DLG2: variants seen among roughly 807,000 people sequenced by gnomAD.
DLG2 encodes the protein discs large MAGUK scaffold protein 2, also known as disks large homolog 2.
Under a neutral mutation model 132.5 loss-of-function variants are expected in DLG2, and 45 were observed. The ratio of observed to expected loss-of-function variants is 0.34; its 90% confidence interval spans 0.27 to 0.44. The LOEUF is 0.44. Ranked by LOEUF, DLG2 falls within the 20% of genes least tolerant of loss-of-function variation. The probability of loss-of-function intolerance (pLI) is 1.00; values close to 1 mark genes in which losing one functional copy is unlikely to be tolerated. For missense variants in DLG2, 1,045 were observed against 1,196.9 expected (o/e 0.87, Z 1.87); for synonymous variants, 424 against 419.6 (o/e 1.01, Z -0.13).
chr11:85,418,818 T>C (rs1450871267), intron 3 of DLG2, among the ~76,000 whole-genome samples: 2 of 152,224 alleles, frequency 1.3e-5, no homozygotes, highest in Non-Finnish European at 2.9e-5. Flanking sequence ...TTTGAGCCTG[T>C]GTGTGTCTTT....
intron 5 of DLG2, among the ~76,000 whole-genome samples, chr11:85,124,695 T>C (rs903919755): frequency 2.6e-5 from 4 of 152,214 alleles, no homozygotes; most frequent in African/African-American, 9.6e-5. Flanking sequence ...GCTATAATCA[T>C]GGGTAATCTG....
chr11:83,843,287 T>A (rs1463454936), intron 16 of DLG2, among the ~76,000 whole-genome samples: 1 of 152,198 alleles, frequency 6.6e-6, no homozygotes, highest in Admixed American at 6.5e-5. Context: ...GCCTGCCTTT[T>A]CCTGCTATTC....
At chr11:84,855,103 T>G (rs1249206860) in intron 6 of DLG2, among the ~76,000 whole-genome samples, 2 of 152,174 alleles carry the variant, frequency 1.3e-5, no homozygotes, top group East Asian at 3.9e-4. Flanking sequence ...GCTTTAAAAC[T>G]ACTAGAGAGG....
chr11:83,923,307 A>G (rs1301292748), intron 15 of DLG2, among the ~76,000 whole-genome samples: 1 of 152,148 alleles, frequency 6.6e-6, no homozygotes. Flanking sequence ...TGATCATCAC[A>G]GCAATCCTAT....
At chr11:84,076,272 C>T (rs1392105164) in intron 10 of DLG2, among the ~76,000 whole-genome samples, 1 of 152,100 alleles carries the variant, frequency 6.6e-6, no homozygotes, top group Non-Finnish European at 1.5e-5. Context: ...AGAAGCTTCT[C>T]CAGAAGAGAA....
chr11:85,108,581 G>T (rs1294706505), intron 6 of DLG2, among the ~76,000 whole-genome samples: 1 of 151,802 alleles, frequency 6.6e-6, no homozygotes, highest in African/African-American at 2.4e-5. Context: ...ATGAATTAAG[G>T]TATTATCAAA....
intron 11 of DLG2, among the ~76,000 whole-genome samples, chr11:84,006,475 G>A (rs1280805618): frequency 6.6e-6 from 1 of 151,326 alleles, no homozygotes. Context: ...AAGTATTTAA[G>A]TATTTACGAT....
intron 6 of DLG2, among the ~76,000 whole-genome samples, chr11:84,841,842 C>G (rs1225073131): frequency 6.6e-6 from 1 of 151,894 alleles, no homozygotes; most frequent in Admixed American, 6.6e-5. Context: ...TTTGATGCAT[C>G]ATAATTTTTT....
At chr11:85,043,368 T>C (rs575350699) in intron 6 of DLG2, among the ~76,000 whole-genome samples, 58 of 151,940 alleles carry the variant, frequency 3.8e-4, no homozygotes, top group African/African-American at 1.3e-3. Flanking sequence ...GCACACAGAG[T>C]AGGTATTTTA....
chr11:83,787,744 T>C (rs1475106163), intron 17 of DLG2, among the ~76,000 whole-genome samples: 1 of 149,576 alleles, frequency 6.7e-6, no homozygotes, highest in East Asian at 1.9e-4. Flanking sequence ...CCATTTTGGG[T>C]CCCATACTGA....
chr11:84,105,574 T>A (rs1009628542), intron 9 of DLG2, among the ~76,000 whole-genome samples: 1 of 152,162 alleles, frequency 6.6e-6, no homozygotes, highest in African/African-American at 2.4e-5. Context: ...AAGTATGGAT[T>A]AATGCATTTT....
intron 7 of DLG2, among the ~76,000 whole-genome samples, chr11:84,519,272 T>G (rs182515030): frequency 8.2e-4 from 125 of 152,280 alleles, no homozygotes; most frequent in African/African-American, 2.9e-3. Flanking sequence ...AGCCACATAT[T>G]GGAAACTCCC....
rs551329350 is a variant in DLG2 at position 84,694,852 on chromosome 11, G to A, written c.358-160121C>T. On this transcript the variant is annotated intron_variant, in intron 6 of 27. Transcript: ENST00000376104. ...GGTGAAACTAAATGAAACTCCAGGA[G>A]AGCAGATGGATTTAGCTATTGTTAA... Among the ~76,000 whole-genome samples, 22 of 151,622 alleles carry A rather than the reference G, an allele frequency of 1.5e-4. 1 individual carries two copies. In the South Asian group the frequency reaches 3.9e-3, roughly 27 times the overall value.
At chr11:84,472,177 A>G (rs1341374943) in intron 7 of DLG2, among the ~76,000 whole-genome samples, 1 of 151,842 alleles carries the variant, frequency 6.6e-6, no homozygotes, top group Non-Finnish European at 1.5e-5. Flanking sequence ...TACAATCCCA[A>G]CATAAAAGCG....
chr11:84,323,229 C>T (rs558957974), intron 7 of DLG2, among the ~76,000 whole-genome samples: 1 of 152,264 alleles, frequency 6.6e-6, no homozygotes, highest in South Asian at 2.1e-4. Flanking sequence ...CTAACAACCA[C>T]CATTCCACTT....
rs143204998 is a variant in DLG2 at position 83,510,546 on chromosome 11, G to A, written c.2193+22162C>T. ...GCTGAGACTCCTAGCCTGTAGTCCCGTTTTAGCAGGATGCATCACGGGGAT... is the reference window on the plus strand; with the variant it reads ...GCTGAGACTCCTAGCCTGTAGTCCCATTTTAGCAGGATGCATCACGGGGAT... On this transcript the variant is annotated intron_variant, in intron 21 of 27. Coordinates refer to ENST00000376104, the MANE Select transcript of DLG2 (RefSeq NM_001142699.3). Among the ~76,000 whole-genome samples, 781 of 152,262 alleles carry A rather than the reference G, an allele frequency of 5.1e-3. 12 individuals are homozygous for A. Among genetic ancestry groups the A allele is most frequent in the African/African-American group, 0.017 (712 of 41,554 alleles).
At chr11:85,014,061 T>C (rs905570301) in intron 6 of DLG2, among the ~76,000 whole-genome samples, 1 of 152,292 alleles carries the variant, frequency 6.6e-6, no homozygotes, top group Admixed American at 6.5e-5. Context: ...TCAAGAAATC[T>C]AGATTCTTAC....
intron 18 of DLG2, among the ~76,000 whole-genome samples, chr11:83,773,406 T>C (rs1344557588): frequency 6.6e-6 from 1 of 152,226 alleles, no homozygotes; most frequent in Non-Finnish European, 1.5e-5. Flanking sequence ...TCAATTAATG[T>C]TTCCAAGACT....
At chr11:83,611,358 A>G (rs1174483133) in intron 19 of DLG2, among the ~76,000 whole-genome samples, 1 of 152,194 alleles carries the variant, frequency 6.6e-6, no homozygotes, top group East Asian at 1.9e-4. Context: ...AGGATTCTGT[A>G]GGAGGCCATG....
Sources: gnomAD v4.1 joint callset for allele counts (sites outside exome capture counted in the v4.1 genomes callset) on GRCh38, gnomAD v4.1.1 for gene constraint, MANE v1.5 for transcripts, NCBI Gene and HGNC (gene_info 2026-07-23, HGNC 2026-07-21) for gene names.